Variants in IQCB1 observed in about 807,000 individuals in gnomAD.
IQCB1 encodes IQ motif containing B1.
Under a neutral mutation model 84.4 loss-of-function variants are expected in IQCB1, and 56 were observed. That is an observed-to-expected ratio of 0.66 (90% CI 0.54 to 0.83). The LOEUF is 0.83. Among genes scored for constraint, IQCB1 ranks in the 40% least tolerant of loss-of-function variants. The pLI, the probability that IQCB1 is intolerant of heterozygous loss-of-function variation, is 0.00. For synonymous variants in IQCB1, 210 were observed against 234.8 expected (o/e 0.89, Z 0.96); for missense variants, 629 against 682.1 (o/e 0.92, Z 0.87).
At chr3:121,795,408 A>C (rs758160816) in intron 10 of IQCB1, 49 bp downstream of exon 10, 1 of 928,192 alleles carries the variant, frequency 1.1e-6, no homozygotes, top group South Asian at 1.3e-5. Flanking sequence ...ATTCAACTGT[A>C]CTCTAGTAAG....
intron 9 of IQCB1, among the ~76,000 whole-genome samples, chr3:121,796,235 C>A (rs541784872): frequency 6.6e-6 from 1 of 152,200 alleles, no homozygotes; most frequent in East Asian, 1.9e-4. Flanking sequence ...GAATTCCCTT[C>A]TTCTGCACTC....
chr3:121,771,223 C>T (rs574774769), intron 14 of IQCB1, among the ~76,000 whole-genome samples: 7 of 151,934 alleles, frequency 4.6e-5, no homozygotes, highest in African/African-American at 1.4e-4. Flanking sequence ...CCACCTACCT[C>T]GGCCTCCCAA....
intron 13 of IQCB1, among the ~76,000 whole-genome samples, chr3:121,777,686 C>A (rs1948285233): frequency 6.6e-6 from 1 of 152,132 alleles, no homozygotes; most frequent in Admixed American, 6.6e-5. Flanking sequence ...AAGAACTTAA[C>A]ATTTCTGATT....
At chr3:121,807,249 C>CGAGTAT in intron 7 of IQCB1, 95 bp downstream of exon 7, 1 of 735,448 alleles carries the variant, frequency 1.4e-6, no homozygotes, top group South Asian at 1.4e-5. Context: ...ACATTATATA[C>CGAGTAT]AAATCATATG....
chr3:121,826,893 A>C (rs1262023673), intron 4 of IQCB1, among the ~76,000 whole-genome samples: 1 of 152,166 alleles, frequency 6.6e-6, no homozygotes, highest in African/African-American at 2.4e-5. Context: ...AATGGTCTCT[A>C]TGTGTGTACT....
At chr3:121,801,831 T>A (rs947020148) in intron 7 of IQCB1, among the ~76,000 whole-genome samples, 8 of 148,470 alleles carry the variant, frequency 5.4e-5, no homozygotes, top group South Asian at 2.1e-4. Flanking sequence ...TTTTTTTTTT[T>A]AATTAAAATC....
intron 7 of IQCB1, among the ~76,000 whole-genome samples, chr3:121,806,416 G>A (rs1377727532): frequency 6.6e-6 from 1 of 152,020 alleles, no homozygotes; most frequent in Non-Finnish European, 1.5e-5. Flanking sequence ...CCTCAACACA[G>A]CATATAAATT....
intron 13 of IQCB1, among the ~76,000 whole-genome samples, chr3:121,775,360 AAACTAATACAAG>A (rs1948182538): frequency 6.6e-6 from 1 of 152,238 alleles, no homozygotes; most frequent in Admixed American, 6.5e-5. Flanking sequence ...CATTCTCAGC[AAACTAATACAAG>A]AACAGAAAAC....
At chr3:121,776,069 T>A (rs1948213797) in intron 13 of IQCB1, among the ~76,000 whole-genome samples, 1 of 148,796 alleles carries the variant, frequency 6.7e-6, no homozygotes, top group African/African-American at 2.6e-5. Flanking sequence ...TCTTTAAAAA[T>A]TTTTTTTGAA....
chr3:121,829,969 G>A (rs1950577919), intron 2 of IQCB1, among the ~76,000 whole-genome samples: 1 of 152,170 alleles, frequency 6.6e-6, no homozygotes. Flanking sequence ...CACTTTGGGA[G>A]GCCAAGGTGG....
chr3:121,772,851 C>T (rs1326474781), intron 13 of IQCB1, 138 bp from the exon 14 acceptor site: 10 of 784,006 alleles, frequency 1.3e-5, no homozygotes, highest in Non-Finnish European at 1.7e-5. Context: ...CTATCTTGTA[C>T]TCTTATGCAA....
At chr3:121,827,586 T>A (rs939994743) in intron 4 of IQCB1, among the ~76,000 whole-genome samples, 1 of 152,128 alleles carries the variant, frequency 6.6e-6, no homozygotes, top group Non-Finnish European at 1.5e-5. Flanking sequence ...CTTTATTTAC[T>A]TAAGAAAATC....
chr3:121,811,889 G>A (rs895116127), intron 5 of IQCB1, among the ~76,000 whole-genome samples: 7 of 152,312 alleles, frequency 4.6e-5, no homozygotes, highest in Middle Eastern at 6.8e-3. Flanking sequence ...TGAAGAGAGC[G>A]GCGCATCTCC....
intron 3 of IQCB1, 45 bp downstream of exon 3, chr3:121,828,816 A>G (rs1197008643): frequency 1.6e-6 from 2 of 1,240,106 alleles, no homozygotes; most frequent in Non-Finnish European, 2.4e-6. Flanking sequence ...CGATGGAACC[A>G]TTTTTCACTT....
intron 8 of IQCB1, among the ~76,000 whole-genome samples, chr3:121,798,026 T>A (rs916033418): frequency 3.9e-5 from 6 of 151,974 alleles, no homozygotes; most frequent in African/African-American, 1.4e-4. Flanking sequence ...CTGAATAAGT[T>A]CTGCTATTGA....
chr3:121,790,463 A>T (rs577837191), intron 10 of IQCB1, among the ~76,000 whole-genome samples: 1 of 152,326 alleles, frequency 6.6e-6, no homozygotes, highest in African/African-American at 2.4e-5. Flanking sequence ...AAAAGTGATG[A>T]CCAATTAATT....
rs1244973854 is a variant in IQCB1 at position 121,828,540 on chromosome 3, C to T, written c.193G>A (p.Val65Ile). The T allele has an allele frequency of 6.2e-7, 1 of 1,610,822 alleles. No homozygotes were observed. Among genetic ancestry groups the T allele is most frequent in the South Asian group, 1.1e-5 (1 of 91,034 alleles). Residue 65 changes from valine (V) to isoleucine (I), a missense_variant, in exon 4 of 15, where the codon GTC (valine) becomes ATC (isoleucine). Val to Ile is a conservative substitution (Grantham distance 29). Transcript: ENST00000310864. ...CYDLIQYCLL[V>I]LSQDYSRIQG... ...ATTCGAGAATAATCTTGACTGAGGA[C>T]CAAGAGGCAATATTGAATGAGATCA...
intron 4 of IQCB1, among the ~76,000 whole-genome samples, chr3:121,826,451 G>T (rs1950470050): frequency 6.6e-6 from 1 of 152,168 alleles, no homozygotes; most frequent in African/African-American, 2.4e-5. Flanking sequence ...ACAATAAAGA[G>T]AAGCTAAGTT....
intron 2 of IQCB1, 108 bp from the exon 3 acceptor site, chr3:121,829,080 GC>G: frequency 1.4e-6 from 1 of 710,758 alleles, no homozygotes. Flanking sequence ...AGCTTTTCTT[GC>G]CTTGTTTGAG....
Sources: gnomAD v4.1 joint callset for allele counts (sites outside exome capture counted in the v4.1 genomes callset) on GRCh38, gnomAD v4.1.1 for gene constraint, MANE v1.5 for transcripts, NCBI Gene and HGNC (gene_info 2026-07-23, HGNC 2026-07-21) for gene names.